RAPGEF4: variants seen among roughly 807,000 people sequenced by gnomAD.
RAPGEF4 encodes the protein Rap guanine nucleotide exchange factor 4.
RAPGEF4 carries 66 observed loss-of-function variants against 147.9 expected under a neutral mutation model. That is an observed-to-expected ratio of 0.45 (90% CI 0.37 to 0.55). RAPGEF4 has a LOEUF of 0.55. Among genes scored for constraint, RAPGEF4 ranks in the 20% least tolerant of loss-of-function variants. The probability of loss-of-function intolerance (pLI) is 0.00; values close to 1 mark genes in which losing one functional copy is unlikely to be tolerated. For missense variants in RAPGEF4, 1,071 were observed against 1,257.3 expected (o/e 0.85, Z 2.24); for synonymous variants, 419 against 442.7 (o/e 0.95, Z 0.67).
At chr2:173,018,521 T>A in intron 21 of RAPGEF4, 135 bp from the exon 22 acceptor site, 1 of 892,972 alleles carries the variant, frequency 1.1e-6, no homozygotes, top group African/African-American at 1.7e-5. Context: ...TAGGGGTAAA[T>A]GAGTATGAAT....
intron 23 of RAPGEF4, among the ~76,000 whole-genome samples, chr2:173,023,899 G>C (rs1575546111): frequency 6.6e-6 from 1 of 152,210 alleles, no homozygotes; most frequent in African/African-American, 2.4e-5. Flanking sequence ...CTGCAAGAGG[G>C]AAGGAAGAAC....
At chr2:172,798,158 G>A (rs976215006) in intron 3 of RAPGEF4, among the ~76,000 whole-genome samples, 5 of 151,890 alleles carry the variant, frequency 3.3e-5, no homozygotes, top group Non-Finnish European at 7.4e-5. Context: ...CTAAAGTACA[G>A]CACTGGCTTT....
intron 23 of RAPGEF4, among the ~76,000 whole-genome samples, chr2:173,024,319 G>A (rs1014979214): frequency 2.1e-5 from 3 of 145,222 alleles, no homozygotes; most frequent in Non-Finnish European, 3.1e-5. Flanking sequence ...CCGGGTTCAC[G>A]CCATTCTCCT....
chr2:172,990,934 G>T lies in RAPGEF4; in HGVS notation c.1490+9G>T. ...TCACAGCCTCAGCAAAAGTATGTTT[G>T]CATCCAACACTGTAATTGCCAGACT... On this transcript the variant is annotated intron_variant, in intron 15 of 30. Coordinates refer to ENST00000397081, the MANE Select transcript of RAPGEF4 (RefSeq NM_007023.4). 1 of 1,578,010 alleles carries T rather than the reference G, an allele frequency of 6.3e-7. No homozygotes were observed. The highest frequency in any genetic ancestry group is 1.3e-5 in the African/African-American group (1 of 74,228).
intron 17 of RAPGEF4, among the ~76,000 whole-genome samples, chr2:173,005,120 CTT>C (rs34276524): frequency 2.7e-5 from 4 of 150,074 alleles, no homozygotes; most frequent in Admixed American, 1.3e-4. Context: ...CGGTTTTTTT[CTT>C]TTTTTTTTGC....
chr2:172,841,275 C>A (rs1007142860), intron 4 of RAPGEF4, among the ~76,000 whole-genome samples: 3 of 152,114 alleles, frequency 2.0e-5, no homozygotes, highest in African/African-American at 4.8e-5. Context: ...CCTAGCACCT[C>A]CTCCTTCCCC....
intron 4 of RAPGEF4, among the ~76,000 whole-genome samples, chr2:172,825,336 T>C (rs1053812371): frequency 1.8e-4 from 27 of 152,246 alleles, no homozygotes; most frequent in Non-Finnish European, 3.7e-4. Flanking sequence ...AATGGTTGTA[T>C]GGCTACTTGA....
intron 1 of RAPGEF4, among the ~76,000 whole-genome samples, chr2:172,794,783 C>T (rs1686206870): frequency 6.6e-6 from 1 of 152,182 alleles, no homozygotes; most frequent in Non-Finnish European, 1.5e-5. Context: ...ACTTAGCACT[C>T]TGAGGTTGAC....
intron 1 of RAPGEF4, among the ~76,000 whole-genome samples, chr2:172,776,593 A>G (rs1031079024): frequency 1.3e-5 from 2 of 151,932 alleles, no homozygotes; most frequent in African/African-American, 4.8e-5. Flanking sequence ...CTCCGAGGCT[A>G]TTGAGTCTCT....
intron 10 of RAPGEF4, among the ~76,000 whole-genome samples, chr2:172,974,198 G>A (rs994828255): frequency 6.6e-6 from 1 of 152,192 alleles, no homozygotes; most frequent in Admixed American, 6.5e-5. Flanking sequence ...GGCTTAGGCT[G>A]AGTCACTTGC....
chr2:172,917,401 A>G (rs1684181473), intron 4 of RAPGEF4: 17 of 487,526 alleles, frequency 3.5e-5, no homozygotes, highest in Middle Eastern at 6.9e-4. Flanking sequence ...ATTCAGTGCC[A>G]TTCACCTATT....
intron 1 of RAPGEF4, among the ~76,000 whole-genome samples, chr2:172,778,778 C>T (rs1460367500): frequency 6.6e-6 from 1 of 152,086 alleles, no homozygotes; most frequent in African/African-American, 2.4e-5. Flanking sequence ...TACTTAATCA[C>T]TTAGGAAAAT....
chr2:172,916,717 A>G (rs1376595276), intron 4 of RAPGEF4, among the ~76,000 whole-genome samples: 2 of 152,246 alleles, frequency 1.3e-5, no homozygotes, highest in African/African-American at 2.4e-5. Flanking sequence ...TGACTAGAAG[A>G]AGGCTCTTTT....
intron 27 of RAPGEF4, 42 bp downstream of exon 27, chr2:173,034,006 T>G: frequency 6.5e-7 from 1 of 1,547,258 alleles, no homozygotes; most frequent in Non-Finnish European, 8.8e-7. Context: ...CTGTCTACAT[T>G]AATCCAATTT....
At chr2:172,836,820 C>T (rs1019311744) in intron 4 of RAPGEF4, among the ~76,000 whole-genome samples, 9 of 152,194 alleles carry the variant, frequency 5.9e-5, no homozygotes, top group African/African-American at 2.2e-4. Flanking sequence ...CATCAAAGTA[C>T]TCATGTTTAC....
At chr2:172,928,207 A>G in intron 6 of RAPGEF4, 1 of 455,018 alleles carries the variant, frequency 2.2e-6, no homozygotes, top group Non-Finnish European at 4.4e-6. Flanking sequence ...CTCTGAGGAA[A>G]TGTTTGTTTT....
intron 6 of RAPGEF4, among the ~76,000 whole-genome samples, chr2:172,938,942 C>T (rs1686877171): frequency 6.6e-6 from 1 of 152,186 alleles, no homozygotes; most frequent in Non-Finnish European, 1.5e-5. Context: ...GGCATGTAGC[C>T]TTTCACTTAG....
At chr2:172,794,289 G>T (rs1363407219) in intron 1 of RAPGEF4, among the ~76,000 whole-genome samples, 11 of 146,246 alleles carry the variant, frequency 7.5e-5, no homozygotes, top group Non-Finnish European at 4.5e-5. Flanking sequence ...AGAGATTGCA[G>T]TGAGCCAAGA....
intron 5 of RAPGEF4, among the ~76,000 whole-genome samples, chr2:172,919,636 A>G (rs1259234736): frequency 1.3e-5 from 2 of 151,890 alleles, no homozygotes; most frequent in East Asian, 1.9e-4. Context: ...TGATACAAAC[A>G]CTTCCCAAAC....
Sources: gnomAD v4.1 joint callset for allele counts (sites outside exome capture counted in the v4.1 genomes callset) on GRCh38, gnomAD v4.1.1 for gene constraint, MANE v1.5 for transcripts, NCBI Gene and HGNC (gene_info 2026-07-23, HGNC 2026-07-21) for gene names.